Variants in FAM13A observed in about 807,000 individuals in gnomAD.
FAM13A encodes the protein protein FAM13A.
Under a neutral mutation model 129.6 loss-of-function variants are expected in FAM13A, and 76 were observed. That is an observed-to-expected ratio of 0.59 (90% confidence interval 0.49 to 0.71). The LOEUF is 0.71. Ranked by LOEUF, FAM13A falls within the 30% of genes least tolerant of loss-of-function variation. The pLI is 0.00. For synonymous variants in FAM13A, 443 were observed against 449.9 expected, an observed-to-expected ratio of 0.98 and a Z score of 0.20; for missense variants, 1,108 against 1,249.3, an observed-to-expected ratio of 0.89 and a Z score of 1.70.
At chr4:88,906,728 A>G (rs183468849) in intron 5 of FAM13A, among the ~76,000 whole-genome samples, 151 of 152,338 alleles carry the variant, frequency 9.9e-4, no homozygotes, top group African/African-American at 3.5e-3. Flanking sequence ...TCATATCTGC[A>G]CTGTTATGTC....
chr4:88,790,698 T>G (rs2290782), intron 8 of FAM13A, 71 bp from the exon 9 acceptor site: 17 of 1,343,730 alleles, frequency 1.3e-5, no homozygotes, highest in Non-Finnish European at 1.7e-5. Context: ...ACATGTGAAG[T>G]GGATCGCAGG....
intron 6 of FAM13A, among the ~76,000 whole-genome samples, chr4:88,878,287 C>CA (rs56067813): frequency 0.017 from 1,036 of 60,986 alleles, 105 homozygotes; most frequent in African/African-American, 0.039. Flanking sequence ...GACTCCATCT[C>CA]AAAAAAAAAA....
chr4:89,012,720 T>C (rs73845232), intron 3 of FAM13A, among the ~76,000 whole-genome samples: 244 of 152,284 alleles, frequency 1.6e-3, no homozygotes, highest in African/African-American at 5.6e-3. Flanking sequence ...TGGTTTAGCC[T>C]AAATGTCTGA....
Position 88,844,927 on chromosome 4 carries a change from C to A in FAM13A, c.1007+6093G>T, listed in dbSNP as rs563492742. Reference sequence around the variant, plus strand: ...TGGGTTATCTGAGGGACTGGGAAGACAAGTCTGCTAGTTAGAGTGACATGA... The same window carrying A: ...TGGGTTATCTGAGGGACTGGGAAGAAAAGTCTGCTAGTTAGAGTGACATGA... On this transcript the variant is annotated intron_variant, in intron 7 of 23. Transcript: ENST00000264344. Among the ~76,000 whole-genome samples the A allele has an allele frequency of 2.6e-5, 4 of 152,164 alleles. No homozygotes were observed. In the South Asian group the frequency reaches 8.3e-4, roughly 32 times the overall value.
intron 7 of FAM13A, among the ~76,000 whole-genome samples, chr4:88,847,949 T>C (rs1736949691): frequency 7.0e-6 from 1 of 143,664 alleles, no homozygotes. Context: ...TGAGACTCTG[T>C]CCCAAAAAAA....
chr4:88,856,713 A>G (rs1738568699), intron 6 of FAM13A, among the ~76,000 whole-genome samples: 1 of 152,196 alleles, frequency 6.6e-6, no homozygotes, highest in South Asian at 2.1e-4. Context: ...GATTTTCTCA[A>G]GAAAGTTAAC....
intron 2 of FAM13A, among the ~76,000 whole-genome samples, chr4:89,022,639 G>A (rs562964685): frequency 1.5e-3 from 227 of 152,238 alleles, no homozygotes; most frequent in Non-Finnish European, 2.9e-3. Context: ...ACTTGAGTGT[G>A]GGCCGGACCT....
chr4:88,739,753 C>T (rs1242570802), intron 19 of FAM13A, among the ~76,000 whole-genome samples: 1 of 143,362 alleles, frequency 7.0e-6, no homozygotes, highest in Non-Finnish European at 1.5e-5. Context: ...CACAACTGCA[C>T]TCCAGCCTGG....
intron 23 of FAM13A, among the ~76,000 whole-genome samples, 159 bp downstream of exon 23, chr4:88,731,168 C>CT (rs1479294340): frequency 6.6e-6 from 1 of 152,132 alleles, no homozygotes; most frequent in African/African-American, 2.4e-5. Context: ...CAGTCAACCT[C>CT]TAAGTGTCCC....
At chr4:88,931,623 G>C (rs769018234) in intron 5 of FAM13A, among the ~76,000 whole-genome samples, 1 of 152,056 alleles carries the variant, frequency 6.6e-6, no homozygotes, top group African/African-American at 2.4e-5. Context: ...ATACTACTGG[G>C]TCTATTCAGC....
At chr4:88,913,986 G>A (rs560431237) in intron 5 of FAM13A, among the ~76,000 whole-genome samples, 76 of 150,852 alleles carry the variant, frequency 5.0e-4, no homozygotes, top group African/African-American at 1.7e-3. Flanking sequence ...CTGGATGACA[G>A]GGTGAGACTC....
At chr4:88,903,781 C>T (rs1385275540) in intron 6 of FAM13A, among the ~76,000 whole-genome samples, 3 of 152,152 alleles carry the variant, frequency 2.0e-5, no homozygotes, top group African/African-American at 7.2e-5. Flanking sequence ...CAAACGGGAT[C>T]TAGTTAAACT....
intron 7 of FAM13A, among the ~76,000 whole-genome samples, chr4:88,836,695 A>G (rs979877049): frequency 6.6e-6 from 1 of 152,204 alleles, no homozygotes; most frequent in Non-Finnish European, 1.5e-5. Flanking sequence ...GCGGTGGCTC[A>G]TGCCTGTAAA....
intron 7 of FAM13A, among the ~76,000 whole-genome samples, chr4:88,841,926 T>C (rs141398713): frequency 3.0e-4 from 45 of 152,266 alleles, no homozygotes; most frequent in African/African-American, 1.0e-3. Context: ...ACTGAAAATA[T>C]ATGCCCGTAC....
intron 3 of FAM13A, among the ~76,000 whole-genome samples, chr4:88,993,706 A>C (rs1763194327): frequency 6.6e-6 from 1 of 152,140 alleles, no homozygotes; most frequent in Admixed American, 6.5e-5. Context: ...AATGACATAA[A>C]ATCATTTATG....
intron 9 of FAM13A, among the ~76,000 whole-genome samples, chr4:88,790,349 A>G (rs1261612181): frequency 4.6e-5 from 7 of 152,164 alleles, no homozygotes; most frequent in Non-Finnish European, 8.8e-5. Flanking sequence ...TGAAGTAAAC[A>G]AAAAGCTCAT....
chr4:88,860,661 A>T (rs536801115), intron 6 of FAM13A, among the ~76,000 whole-genome samples: 4 of 152,234 alleles, frequency 2.6e-5, no homozygotes, highest in Non-Finnish European at 4.4e-5. Flanking sequence ...TCACTGCCAG[A>T]AAATGATTAA....
In FAM13A at chr4:88,960,648, T is replaced by C. The variant is rs531559193; in HGVS notation, c.606-22407A>G. ...GAAGAGAAAAGAACGAAGAAGCTAG[T>C]AGTTAGTAAGAAAGACACAGAGGTA... On this transcript the variant is annotated intron_variant, in intron 4 of 23. Transcript: ENST00000264344. 3.3e-5 allele frequency among the ~76,000 whole-genome samples: 5 copies of C among 152,290 alleles called. No homozygotes were observed. In the East Asian group the frequency reaches 9.6e-4, roughly 29 times the overall value.
intron 6 of FAM13A, among the ~76,000 whole-genome samples, chr4:88,879,031 C>T (rs1052203728): frequency 1.1e-4 from 16 of 152,142 alleles, no homozygotes; most frequent in South Asian, 4.1e-4. Flanking sequence ...ATATATAAAA[C>T]GGTCTTTAGA....
Sources: allele counts gnomAD v4.1 joint callset (sites outside exome capture counted in the v4.1 genomes callset), GRCh38; gene constraint gnomAD v4.1.1; transcripts MANE v1.5; gene names NCBI Gene and HGNC (gene_info 2026-07-23, HGNC 2026-07-21).